Variants in SOX5 observed in about 807,000 individuals in gnomAD.
The protein encoded by SOX5 is transcription factor SOX-5.
SOX5 carries 9 observed loss-of-function variants against 92.0 expected under a neutral mutation model. The observed-to-expected ratio is 0.10, with a 90% CI of 0.06 to 0.17. SOX5 has a LOEUF of 0.17. Among genes scored for constraint, SOX5 ranks in the 10% least tolerant of loss-of-function variants. The pLI is 1.00. For missense variants in SOX5, 642 were observed against 944.5 expected (o/e 0.68, Z 4.20); for synonymous variants, 344 against 336.3 (o/e 1.02, Z -0.25).
chr12:24,265,004 C>G (rs1414491223), intron 3 of SOX5, among the ~76,000 whole-genome samples: 1 of 152,154 alleles, frequency 6.6e-6, no homozygotes, highest in African/African-American at 2.4e-5. Flanking sequence ...GGCATATCAA[C>G]CCGAAAGCCT....
chr12:24,008,880 C>T (rs185284269), intron 4 of SOX5, among the ~76,000 whole-genome samples: 73 of 152,212 alleles, frequency 4.8e-4, no homozygotes, highest in Non-Finnish European at 9.7e-4. Flanking sequence ...TACTTTTAGT[C>T]CCATAAAATG....
chr12:23,869,745 A>C (rs1392813732), intron 2 of SOX5, among the ~76,000 whole-genome samples: 1 of 152,136 alleles, frequency 6.6e-6, no homozygotes, highest in African/African-American at 2.4e-5. Flanking sequence ...CACATTTGTG[A>C]GTAGTACTGC....
intron 1 of SOX5, among the ~76,000 whole-genome samples, chr12:24,525,934 C>T (rs1221497669): frequency 6.6e-6 from 1 of 152,030 alleles, no homozygotes. Context: ...TGCAGTGGCA[C>T]TACACGGCTC....
At chr12:24,068,183 T>TA (rs770603631) in intron 4 of SOX5, among the ~76,000 whole-genome samples, 15 of 152,056 alleles carry the variant, frequency 9.9e-5, no homozygotes, top group Admixed American at 3.9e-4. Context: ...GGGTAATAAG[T>TA]AAAGGGAAAT....
chr12:23,677,563 C>T (rs2085910517), intron 6 of SOX5, among the ~76,000 whole-genome samples: 1 of 152,092 alleles, frequency 6.6e-6, no homozygotes, highest in Non-Finnish European at 1.5e-5. Flanking sequence ...GTGGAAACAA[C>T]CCCACAAAAC....
intron 4 of SOX5, among the ~76,000 whole-genome samples, chr12:24,209,879 G>A (rs1437943663): frequency 2.7e-5 from 4 of 149,846 alleles, no homozygotes; most frequent in African/African-American, 9.8e-5. Flanking sequence ...TTAGCCGGGC[G>A]TAGTGGCGGG....
intron 3 of SOX5, among the ~76,000 whole-genome samples, chr12:24,274,617 T>TA (rs1198907738): frequency 2.6e-5 from 4 of 151,012 alleles, no homozygotes; most frequent in African/African-American, 9.8e-5. Flanking sequence ...CCAAACATCA[T>TA]ACATCATGTG....
intron 4 of SOX5, among the ~76,000 whole-genome samples, chr12:24,175,894 T>C (rs1028679939): frequency 3.9e-5 from 6 of 152,092 alleles, no homozygotes; most frequent in Admixed American, 3.9e-4. Flanking sequence ...TAGGGGCCTC[T>C]CTTACAAAAG....
intron 1 of SOX5, among the ~76,000 whole-genome samples, chr12:24,408,327 A>T (rs1303471913): frequency 6.6e-6 from 1 of 152,244 alleles, no homozygotes; most frequent in African/African-American, 2.4e-5. Context: ...TAAACATTTT[A>T]ATTTAAAATA....
At chr12:23,554,430 G>T (rs934721225) in intron 11 of SOX5, among the ~76,000 whole-genome samples, 1 of 152,108 alleles carries the variant, frequency 6.6e-6, no homozygotes, top group African/African-American at 2.4e-5. Flanking sequence ...CAGGAACTGC[G>T]TTACTTTCTG....
chr12:24,492,688 A>T (rs1309858033), intron 1 of SOX5, among the ~76,000 whole-genome samples: 1 of 152,202 alleles, frequency 6.6e-6, no homozygotes, highest in Non-Finnish European at 1.5e-5. Context: ...TGCCTGAATT[A>T]CTTCTTAGAG....
At chr12:24,400,259 A>G (rs532053213) in intron 1 of SOX5, among the ~76,000 whole-genome samples, 2 of 152,348 alleles carry the variant, frequency 1.3e-5, no homozygotes, top group South Asian at 4.1e-4. Flanking sequence ...CTAAAATGCT[A>G]ATTAGTTTTT....
chr12:24,284,447 T>TGC (rs1206192685), intron 2 of SOX5, among the ~76,000 whole-genome samples: 2 of 151,528 alleles, frequency 1.3e-5, no homozygotes, highest in African/African-American at 2.4e-5. Context: ...TGTGTGTGTG[T>TGC]GTGTGTGCGT....
intron 4 of SOX5, among the ~76,000 whole-genome samples, chr12:24,044,824 T>C (rs565167048): frequency 6.6e-6 from 1 of 152,212 alleles, no homozygotes; most frequent in Non-Finnish European, 1.5e-5. Flanking sequence ...GAATACATAT[T>C]TGTTAAAGCA....
intron 7 of SOX5, among the ~76,000 whole-genome samples, chr12:23,663,281 G>T (rs1016899288): frequency 6.6e-6 from 1 of 152,104 alleles, no homozygotes; most frequent in Admixed American, 6.6e-5. Context: ...AAAAGAAGGG[G>T]TATCATTTAT....
At chr12:24,279,964 G>T (rs891162108) in intron 2 of SOX5, among the ~76,000 whole-genome samples, 1 of 152,080 alleles carries the variant, frequency 6.6e-6, no homozygotes, top group African/African-American at 2.4e-5. Context: ...AGTTGAGAAA[G>T]AAGGGGTTAA....
At chr12:24,025,404 A>C (rs1954771943) in intron 4 of SOX5, among the ~76,000 whole-genome samples, 1 of 152,098 alleles carries the variant, frequency 6.6e-6, no homozygotes, top group East Asian at 1.9e-4. Context: ...GTCTAGAGAG[A>C]AAGAATTGAA....
chr12:23,536,519 C>T lies in SOX5; in HGVS notation c.1922G>A (p.Arg641His). 6.2e-7 allele frequency: 1 copy of T among 1,614,166 alleles called. No homozygotes were observed. The highest frequency in any genetic ancestry group is 2.2e-5 in the East Asian group (1 of 44,882). Residue 641 changes from arginine (R) to histidine (H), a missense_variant, in exon 14 of 15, where the codon CGC (arginine) becomes CAC (histidine). Arg to His is a conservative substitution (Grantham distance 29, BLOSUM62 0). Coordinates refer to ENST00000451604, the MANE Select transcript of SOX5 (RefSeq NM_006940.6). ...RTCLVDGKKL[R>H]IGEYKAIMRN... ...CATGATTGCCTTGTATTCACCAATG[C>T]GCAGCTTTTTGCCATCCACCAGGCA...
chr12:23,922,993 T>C (rs957961203), intron 1 of SOX5, among the ~76,000 whole-genome samples: 3 of 151,722 alleles, frequency 2.0e-5, no homozygotes, highest in Non-Finnish European at 4.4e-5. Flanking sequence ...TCACCCAGGC[T>C]GGAGTGCAGT....
Sources: gnomAD v4.1 joint callset for allele counts (sites outside exome capture counted in the v4.1 genomes callset) on GRCh38, gnomAD v4.1.1 for gene constraint, MANE v1.5 for transcripts, NCBI Gene and HGNC (gene_info 2026-07-23, HGNC 2026-07-21) for gene names.